The following QTMAN variants were observed in gnomAD, a reference collection of about 807,000 sequenced individuals.
QTMAN encodes tRNA-queuosine alpha-mannosyltransferase.
At chr2:144,055,104 C>T in the QTMAN span, among the ~76,000 whole-genome samples, 1 of 152,148 alleles carries the variant, frequency 6.6e-6, no homozygotes, top group Admixed American at 6.5e-5. Context: ...CTTAGGCTAG[C>T]GGAGTAGATG....
At chr2:143,997,761 A>AT in the QTMAN span, among the ~76,000 whole-genome samples, 3 of 152,054 alleles carry the variant, frequency 2.0e-5, no homozygotes, top group Non-Finnish European at 4.4e-5. Context: ...TGCATATAAG[A>AT]TTTTTTTAAA....
At chr2:144,130,092 G>GAAAAAAAAAAAAAA in the QTMAN span, among the ~76,000 whole-genome samples, 1 of 118,206 alleles carries the variant, frequency 8.5e-6, no homozygotes. Context: ...CTAATTTCTG[G>GAAAAAAAAAAAAAA]AAAAAAAAAA....
At chr2:143,972,506 A>T in the QTMAN span, among the ~76,000 whole-genome samples, 1 of 151,518 alleles carries the variant, frequency 6.6e-6, no homozygotes, top group Non-Finnish European at 1.5e-5. Flanking sequence ...AGTTGGGAGG[A>T]GGTTTAATCG....
At chr2:144,287,061 T>C in the QTMAN span, among the ~76,000 whole-genome samples, 1 of 152,228 alleles carries the variant, frequency 6.6e-6, no homozygotes, top group Non-Finnish European at 1.5e-5. Flanking sequence ...GTTCACTTTA[T>C]AGCTTTCAGG....
chr2:144,099,923 T>A, the QTMAN span, among the ~76,000 whole-genome samples: 1 of 152,228 alleles, frequency 6.6e-6, no homozygotes, highest in South Asian at 2.1e-4. Context: ...TATACAAGTG[T>A]AAGCCGTGAC....
At chr2:144,173,971 A>C in the QTMAN span, among the ~76,000 whole-genome samples, 1 of 152,134 alleles carries the variant, frequency 6.6e-6, no homozygotes, top group Non-Finnish European at 1.5e-5. Context: ...GAAGGAACCC[A>C]AGTCCCTCAC....
chr2:144,180,942 A>G, the QTMAN span, among the ~76,000 whole-genome samples: 1 of 152,210 alleles, frequency 6.6e-6, no homozygotes, highest in Non-Finnish European at 1.5e-5. Flanking sequence ...ACTAAATTAA[A>G]GGGAAATTTC....
chr2:144,188,447 C>G, the QTMAN span, among the ~76,000 whole-genome samples: 1 of 152,060 alleles, frequency 6.6e-6, no homozygotes, highest in East Asian at 1.9e-4. Flanking sequence ...ATTTAACAAA[C>G]TAATCAGCCA....
chr2:144,324,456 C>T, the QTMAN span, among the ~76,000 whole-genome samples: 1 of 152,142 alleles, frequency 6.6e-6, no homozygotes, highest in African/African-American at 2.4e-5. Context: ...ACTAATCCCC[C>T]CCATCAGATA....
the QTMAN span, among the ~76,000 whole-genome samples, chr2:144,184,239 C>G: frequency 2.0e-5 from 3 of 151,882 alleles, no homozygotes; most frequent in Non-Finnish European, 2.9e-5. Flanking sequence ...TATAAGTGGG[C>G]CAATCCTTCT....
At chr2:144,015,716 TGGG>T in the QTMAN span, among the ~76,000 whole-genome samples, 1 of 152,164 alleles carries the variant, frequency 6.6e-6, no homozygotes, top group African/African-American at 2.4e-5. Context: ...AAGATTATTT[TGGG>T]GGACAGGTAA....
the QTMAN span, among the ~76,000 whole-genome samples, chr2:144,264,191 T>C: frequency 1.3e-5 from 2 of 152,102 alleles, no homozygotes; most frequent in African/African-American, 4.8e-5. Context: ...CTCCTAAGGG[T>C]CCACTGAGAG....
the QTMAN span, among the ~76,000 whole-genome samples, chr2:144,260,127 T>C: frequency 6.6e-6 from 1 of 152,162 alleles, no homozygotes; most frequent in Non-Finnish European, 1.5e-5. Context: ...TCATAATTGT[T>C]TTTTTCAACT....
the QTMAN span, among the ~76,000 whole-genome samples, chr2:144,201,192 G>A: frequency 6.6e-6 from 1 of 152,134 alleles, no homozygotes; most frequent in South Asian, 2.1e-4. Context: ...ATTTTAGATC[G>A]GGTGCTCAGG....
the QTMAN span, among the ~76,000 whole-genome samples, chr2:144,314,739 C>T: frequency 1.8e-4 from 27 of 151,844 alleles, no homozygotes; most frequent in Middle Eastern, 3.4e-3. Context: ...AGAAACAGTG[C>T]GTAACGGAAC....
chr2:144,312,518 C>G, the QTMAN span, among the ~76,000 whole-genome samples: 1 of 152,180 alleles, frequency 6.6e-6, no homozygotes, highest in Admixed American at 6.5e-5. Flanking sequence ...ACTCCTCTAC[C>G]TACTGCTCTC....
At chr2:144,280,562 C>A in the QTMAN span, among the ~76,000 whole-genome samples, 1 of 151,882 alleles carries the variant, frequency 6.6e-6, no homozygotes, top group Non-Finnish European at 1.5e-5. Flanking sequence ...GAAAAGAAAT[C>A]ATAAAGAAAA....
At chr2:144,242,953 C>A in the QTMAN span, among the ~76,000 whole-genome samples, 3 of 108,052 alleles carry the variant, frequency 2.8e-5, no homozygotes, top group South Asian at 3.0e-4. Flanking sequence ...CAGAGCAAGA[C>A]TCTACTTAAA....
the QTMAN span, among the ~76,000 whole-genome samples, chr2:144,014,238 C>T: frequency 1.3e-5 from 2 of 152,114 alleles, no homozygotes; most frequent in South Asian, 4.1e-4. Context: ...GGAACTCTGG[C>T]AGAACATTAT....
Sources: gnomAD v4.1 joint callset for allele counts (sites outside exome capture counted in the v4.1 genomes callset) on GRCh38, gnomAD v4.1.1 for gene constraint, MANE v1.5 for transcripts, NCBI Gene and HGNC (gene_info 2026-07-23, HGNC 2026-07-21) for gene names.